The following GRID1 variants were observed in gnomAD, a reference collection of about 807,000 sequenced individuals.
GRID1 encodes the protein glutamate receptor ionotropic, delta-1.
In GRID1, 28 loss-of-function variants were observed where a neutral mutation model predicts 98.0. The observed-to-expected ratio is 0.29, with a 90% CI of 0.21 to 0.39. GRID1 has a LOEUF of 0.39. GRID1 is among the 10% of genes least tolerant of loss of function. The pLI, the probability that GRID1 is intolerant of heterozygous loss-of-function variation, is 1.00. For missense variants in GRID1, 1,111 were observed against 1,340.5 expected (o/e 0.83, Z 2.67); for synonymous variants, 553 against 538.5 (o/e 1.03, Z -0.37).
intron 2 of GRID1, among the ~76,000 whole-genome samples, chr10:86,227,855 T>A (rs550631778): frequency 1.3e-5 from 2 of 152,296 alleles, no homozygotes; most frequent in East Asian, 3.9e-4. Flanking sequence ...TCATCTGTGC[T>A]TAGCCCCAGG....
At chr10:86,026,876 T>C (rs2131890310) in intron 4 of GRID1, among the ~76,000 whole-genome samples, 2 of 152,226 alleles carry the variant, frequency 1.3e-5, no homozygotes, top group Admixed American at 1.3e-4. Flanking sequence ...CTGGAGAAAA[T>C]GCATGACATG....
At chr10:85,739,596 A>C (rs1413590897) in intron 8 of GRID1, among the ~76,000 whole-genome samples, 2 of 152,036 alleles carry the variant, frequency 1.3e-5, no homozygotes, top group African/African-American at 2.4e-5. Flanking sequence ...ACTCAAAACA[A>C]AACAAAACAA....
intron 2 of GRID1, among the ~76,000 whole-genome samples, chr10:86,208,401 C>G (rs570232437): frequency 6.6e-6 from 1 of 152,116 alleles, no homozygotes; most frequent in Non-Finnish European, 1.5e-5. Flanking sequence ...ATTGCGTGCC[C>G]TGCTGTGCCC....
intron 8 of GRID1, among the ~76,000 whole-genome samples, chr10:85,832,158 T>A (rs1319948301): frequency 6.6e-6 from 1 of 152,150 alleles, no homozygotes; most frequent in African/African-American, 2.4e-5. Context: ...AATCTAAATG[T>A]ATATACTAGC....
intron 4 of GRID1, among the ~76,000 whole-genome samples, chr10:86,040,733 AAG>A (rs1198233034): frequency 2.6e-5 from 4 of 152,192 alleles, no homozygotes; most frequent in Non-Finnish European, 5.9e-5. Context: ...AAATAATTAA[AAG>A]AGAGAATTTT....
intron 4 of GRID1, among the ~76,000 whole-genome samples, chr10:86,031,356 G>A (rs1238249496): frequency 2.0e-5 from 3 of 151,976 alleles, no homozygotes; most frequent in African/African-American, 7.3e-5. Context: ...GGAACTAAAT[G>A]TTGAGTACAC....
At chr10:85,696,909 TGTTA>T (rs1484121023) in intron 12 of GRID1, among the ~76,000 whole-genome samples, 2 of 152,094 alleles carry the variant, frequency 1.3e-5, no homozygotes, top group African/African-American at 2.4e-5. Context: ...AGCTACATTA[TGTTA>T]GTTATATTTC....
At chr10:86,134,364 T>C (rs1844882921) in intron 4 of GRID1, among the ~76,000 whole-genome samples, 1 of 152,172 alleles carries the variant, frequency 6.6e-6, no homozygotes, top group African/African-American at 2.4e-5. Context: ...GATGAATGGA[T>C]GAACGGAGAG....
intron 4 of GRID1, among the ~76,000 whole-genome samples, chr10:86,094,825 A>T (rs1325005454): frequency 1.4e-5 from 2 of 146,712 alleles, no homozygotes; most frequent in Non-Finnish European, 3.0e-5. Flanking sequence ...TTCTTCACAG[A>T]ATTAGAAAAA....
rs565198834 is a variant in GRID1 at position 85,734,305 on chromosome 10, AG to A, written c.1234-4692del. Among the ~76,000 whole-genome samples, 96 of 152,290 alleles carry A rather than the reference AG, an allele frequency of 6.3e-4. 1 individual carries two copies. In the South Asian group the frequency reaches 0.02, roughly 32 times the overall value. On this transcript the variant is annotated intron_variant, in intron 8 of 15. Transcript: ENST00000327946. ...CAGATCCATGAAGATAAGCAATCCA[AG>A]TAATCTTTCTCTGCTGAGAAAGAGG...
chr10:86,190,056 G>A (rs1306640333), intron 3 of GRID1, among the ~76,000 whole-genome samples: 5 of 151,990 alleles, frequency 3.3e-5, no homozygotes, highest in South Asian at 4.2e-4. Context: ...CAAGTCCACC[G>A]CATGCCTTCC....
intron 3 of GRID1, among the ~76,000 whole-genome samples, chr10:86,161,411 C>T (rs554482190): frequency 8.5e-5 from 13 of 152,198 alleles, no homozygotes; most frequent in South Asian, 4.2e-4. Context: ...ACAGCATTTA[C>T]GAAGCTCCCA....
intron 13 of GRID1, among the ~76,000 whole-genome samples, chr10:85,627,341 T>G (rs1384104301): frequency 6.6e-6 from 1 of 152,230 alleles, no homozygotes; most frequent in Non-Finnish European, 1.5e-5. Context: ...AATTCCTCAA[T>G]ATGTGTGATG....
chr10:85,611,345 C>T (rs1842730545), intron 15 of GRID1, among the ~76,000 whole-genome samples: 1 of 152,178 alleles, frequency 6.6e-6, no homozygotes, highest in Non-Finnish European at 1.5e-5. Flanking sequence ...AGGACAAGCT[C>T]TCCCTGCATG....
At chr10:85,927,522 A>AG (rs972341992) in intron 4 of GRID1, among the ~76,000 whole-genome samples, 1 of 151,936 alleles carries the variant, frequency 6.6e-6, no homozygotes, top group African/African-American at 2.4e-5. Flanking sequence ...AAAAAAAAAA[A>AG]AAATCTGTGG....
intron 4 of GRID1, among the ~76,000 whole-genome samples, chr10:85,984,150 C>G (rs1229122512): frequency 6.6e-6 from 1 of 152,138 alleles, no homozygotes; most frequent in Non-Finnish European, 1.5e-5. Context: ...GGCTCCAACC[C>G]ATCTCCCTGG....
chr10:85,710,982 C>T (rs985857357), intron 12 of GRID1, among the ~76,000 whole-genome samples: 3 of 151,938 alleles, frequency 2.0e-5, no homozygotes, highest in East Asian at 1.9e-4. Flanking sequence ...CAACAAGTGT[C>T]GGCAACAATT....
intron 5 of GRID1, among the ~76,000 whole-genome samples, chr10:85,884,221 A>T (rs899648999): frequency 1.3e-5 from 2 of 152,060 alleles, no homozygotes; most frequent in Non-Finnish European, 2.9e-5. Flanking sequence ...TCCTTTTGTG[A>T]GTGTCATTCA....
At chr10:86,184,351 CTG>C (rs1360535638) in intron 3 of GRID1, among the ~76,000 whole-genome samples, 2 of 151,874 alleles carry the variant, frequency 1.3e-5, no homozygotes, top group South Asian at 2.1e-4. Flanking sequence ...TGATTTTCCA[CTG>C]TGTTTTCTCC....
Sources: gnomAD v4.1 joint callset for allele counts (sites outside exome capture counted in the v4.1 genomes callset) on GRCh38, gnomAD v4.1.1 for gene constraint, MANE v1.5 for transcripts, NCBI Gene and HGNC (gene_info 2026-07-23, HGNC 2026-07-21) for gene names.